MACROD2: variants seen among roughly 807,000 people sequenced by gnomAD.
The protein encoded by MACROD2 is mono-ADP ribosylhydrolase 2.
Under a neutral mutation model 70.4 loss-of-function variants are expected in MACROD2, and 36 were observed. The observed-to-expected ratio is 0.51, with a 90% CI of 0.39 to 0.68. The LOEUF (loss-of-function observed/expected upper bound fraction) is 0.68. Among genes scored for constraint, MACROD2 ranks in the 30% least tolerant of loss-of-function variants. The pLI is 0.00. For missense variants in MACROD2, 496 were observed against 538.4 expected (o/e 0.92, Z 0.78); for synonymous variants, 172 against 178.8 (o/e 0.96, Z 0.30).
At chr20:15,996,324 T>A (rs1337444631) in intron 15 of MACROD2, among the ~76,000 whole-genome samples, 1 of 152,196 alleles carries the variant, frequency 6.6e-6, no homozygotes, top group Non-Finnish European at 1.5e-5. Context: ...AAATGTCTAC[T>A]GAGGTCTCGG....
chr20:15,126,397 G>A (rs2076067453), intron 5 of MACROD2, among the ~76,000 whole-genome samples: 1 of 151,818 alleles, frequency 6.6e-6, no homozygotes, highest in African/African-American at 2.4e-5. Context: ...TAGGTGTGAT[G>A]TGTTTGATTT....
chr20:14,444,204 G>A (rs370572776), intron 3 of MACROD2, among the ~76,000 whole-genome samples: 40 of 152,038 alleles, frequency 2.6e-4, no homozygotes, highest in Non-Finnish European at 4.1e-4. Context: ...TGCTAAAAGG[G>A]AATAATATTG....
intron 10 of MACROD2, among the ~76,000 whole-genome samples, chr20:15,887,100 G>T (rs1601060976): frequency 6.6e-6 from 1 of 152,250 alleles, no homozygotes; most frequent in Non-Finnish European, 1.5e-5. Context: ...AGTCTGGGCA[G>T]CTCCATCAGC....
At chr20:15,569,419 T>C (rs2048348313) in intron 8 of MACROD2, among the ~76,000 whole-genome samples, 1 of 152,166 alleles carries the variant, frequency 6.6e-6, no homozygotes, top group Admixed American at 6.5e-5. Context: ...TTTAATTCTT[T>C]AGCATTTTTT....
intron 6 of MACROD2, among the ~76,000 whole-genome samples, chr20:15,368,438 T>G (rs1238637272): frequency 6.6e-6 from 1 of 151,978 alleles, no homozygotes; most frequent in Non-Finnish European, 1.5e-5. Flanking sequence ...AGAATATCTA[T>G]TTTCTCTTCT....
At chr20:14,718,269 G>A in intron 5 of MACROD2, among the ~76,000 whole-genome samples, 1 of 136,638 alleles carries the variant, frequency 7.3e-6, no homozygotes. Context: ...CTCCAGCCTG[G>A]GCGACAGAGA....
At chr20:15,566,067 C>T (rs2048306156) in intron 8 of MACROD2, among the ~76,000 whole-genome samples, 1 of 152,072 alleles carries the variant, frequency 6.6e-6, no homozygotes, top group African/African-American at 2.4e-5. Context: ...TGCTTATGGC[C>T]ACAGTAAAAG....
At chr20:15,104,313 T>A (rs1032804311) in intron 5 of MACROD2, among the ~76,000 whole-genome samples, 1 of 152,172 alleles carries the variant, frequency 6.6e-6, no homozygotes, top group African/African-American at 2.4e-5. Context: ...CATTCATTTA[T>A]GCCTTGGTGA....
At chr20:14,898,102 A>G (rs1208379694) in intron 5 of MACROD2, among the ~76,000 whole-genome samples, 1 of 152,170 alleles carries the variant, frequency 6.6e-6, no homozygotes, top group Non-Finnish European at 1.5e-5. Flanking sequence ...AAAAATCTTC[A>G]ATGTTTTATT....
chr20:14,789,575 A>C (rs1174873731), intron 5 of MACROD2, among the ~76,000 whole-genome samples: 1 of 140,404 alleles, frequency 7.1e-6, no homozygotes, highest in Non-Finnish European at 1.5e-5. Flanking sequence ...TCCCAGGTTC[A>C]TGCGATTCTC....
intron 12 of MACROD2, among the ~76,000 whole-genome samples, chr20:15,959,910 A>G (rs192588872): frequency 4.1e-4 from 62 of 152,350 alleles, no homozygotes; most frequent in African/African-American, 1.3e-3. Context: ...AAGTTAAATA[A>G]TGAACTTGCA....
chr20:14,176,505 T>C (rs759165683), intron 3 of MACROD2, among the ~76,000 whole-genome samples: 1 of 152,134 alleles, frequency 6.6e-6, no homozygotes, highest in Non-Finnish European at 1.5e-5. Flanking sequence ...TTTCTATAAG[T>C]TCACCATTGT....
At chr20:15,083,270 A>G (rs1169112033) in intron 5 of MACROD2, among the ~76,000 whole-genome samples, 1 of 152,136 alleles carries the variant, frequency 6.6e-6, no homozygotes, top group Non-Finnish European at 1.5e-5. Context: ...GCTGTCACTT[A>G]GAATCATACA....
At chr20:15,091,378 T>C (rs2075791910) in intron 5 of MACROD2, among the ~76,000 whole-genome samples, 1 of 152,078 alleles carries the variant, frequency 6.6e-6, no homozygotes, top group South Asian at 2.1e-4. Context: ...AAATAAAAGT[T>C]TTTATGTGAT....
At chr20:15,360,088 A>G (rs1343747177) in intron 6 of MACROD2, among the ~76,000 whole-genome samples, 1 of 152,222 alleles carries the variant, frequency 6.6e-6, no homozygotes, top group Non-Finnish European at 1.5e-5. Context: ...AATGTTATAT[A>G]TAAATGGAAT....
intron 5 of MACROD2, among the ~76,000 whole-genome samples, chr20:15,117,759 G>A (rs1217441562): frequency 2.0e-5 from 3 of 152,072 alleles, no homozygotes; most frequent in Non-Finnish European, 4.4e-5. Flanking sequence ...GGAATACCCT[G>A]GAAAGTTTGC....
At chr20:14,463,719 A>T (rs569399643) in intron 3 of MACROD2, among the ~76,000 whole-genome samples, 3 of 152,118 alleles carry the variant, frequency 2.0e-5, no homozygotes, top group Non-Finnish European at 4.4e-5. Context: ...TCAATACCTA[A>T]TTTATTGAGA....
In MACROD2 at chr20:15,037,965, A is replaced by G. The variant is rs556710966; in HGVS notation, c.419-191975A>G. On this transcript the variant is annotated intron_variant, in intron 5 of 17. Coordinates refer to ENST00000684519, the MANE Select transcript of MACROD2 (RefSeq NM_001351661.2). ...GTTCTCACTACAAAAAAAAATGAGA[A>G]ATGCTTGAGGCAATGGATGTGCCAG... 1.6e-4 allele frequency among the ~76,000 whole-genome samples: 25 copies of G among 152,300 alleles called. 1 individual carries two copies. The East Asian group carries it at 4.6e-3, about 28-fold the overall frequency.
intron 6 of MACROD2, among the ~76,000 whole-genome samples, chr20:15,316,674 A>G (rs535625510): frequency 1.0e-3 from 152 of 152,200 alleles, no homozygotes; most frequent in African/African-American, 3.6e-3. Context: ...GAGAACTTGA[A>G]TAGCACCATA....
Sources: allele counts gnomAD v4.1 joint callset (sites outside exome capture counted in the v4.1 genomes callset), GRCh38; gene constraint gnomAD v4.1.1; transcripts MANE v1.5; gene names NCBI Gene and HGNC (gene_info 2026-07-23, HGNC 2026-07-21).